CADPS: variants seen among roughly 807,000 people sequenced by gnomAD.
CADPS encodes the protein calcium dependent secretion activator, also known as calcium-dependent secretion activator 1.
CADPS carries 57 observed loss-of-function variants against 167.3 expected under a neutral mutation model. The ratio of observed to expected loss-of-function variants is 0.34; its 90% CI spans 0.28 to 0.42. CADPS has a LOEUF of 0.42. Among genes scored for constraint, CADPS ranks in the 20% least tolerant of loss-of-function variants. The probability of loss-of-function intolerance (pLI) is 1.00; values close to 1 mark genes in which losing one functional copy is unlikely to be tolerated. For missense variants in CADPS, 1,414 were observed against 1,738.1 expected, an observed-to-expected ratio of 0.81 and a Z score of 3.32; for synonymous variants, 676 against 635.3, an observed-to-expected ratio of 1.06 and a Z score of -0.96.
intron 1 of CADPS, among the ~76,000 whole-genome samples, chr3:62,812,283 T>C (rs1206734626): frequency 6.6e-6 from 1 of 152,148 alleles, no homozygotes; most frequent in Non-Finnish European, 1.5e-5. Context: ...TTTTACTATA[T>C]AATCAAGAAA....
chr3:62,571,597 T>C (rs889108868), intron 8 of CADPS, among the ~76,000 whole-genome samples: 3 of 151,530 alleles, frequency 2.0e-5, no homozygotes, highest in Non-Finnish European at 4.4e-5. Flanking sequence ...AGAGTTTCAC[T>C]CTTGTTGCCC....
At chr3:62,768,174 CTGAAA>C (rs2152519673) in intron 1 of CADPS, among the ~76,000 whole-genome samples, 1 of 152,260 alleles carries the variant, frequency 6.6e-6, no homozygotes, top group East Asian at 1.9e-4. Context: ...ACCATTTGAA[CTGAAA>C]TATTAGGTAG....
intron 26 of CADPS, among the ~76,000 whole-genome samples, chr3:62,460,847 C>T (rs758036648): frequency 2.6e-5 from 4 of 152,056 alleles, no homozygotes; most frequent in Non-Finnish European, 5.9e-5. Context: ...GGTTTCAGGC[C>T]CTTGACAGCC....
chr3:62,819,403 T>TGTGG (rs1553721491), intron 1 of CADPS, among the ~76,000 whole-genome samples: 1 of 126,738 alleles, frequency 7.9e-6, no homozygotes, highest in African/African-American at 2.9e-5. Flanking sequence ...TGACAATCTG[T>TGTGG]GTGCGTGTGT....
intron 9 of CADPS, among the ~76,000 whole-genome samples, chr3:62,569,009 G>T (rs777581698): frequency 4.6e-5 from 7 of 152,190 alleles, no homozygotes; most frequent in Non-Finnish European, 8.8e-5. Flanking sequence ...TCCACACAAA[G>T]TAGGTGCTCA....
Position 62,549,898 on chromosome 3 carries a change from C to T in CADPS, c.1966+5G>A. The T allele has an allele frequency of 6.2e-7, 1 of 1,610,294 alleles. No homozygotes were observed. The highest frequency in any genetic ancestry group is 8.5e-7 in the Non-Finnish European group (1 of 1,176,714). On this transcript the variant is annotated splice_donor_5th_base_variant and intron_variant, in intron 11 of 29. Coordinates refer to ENST00000383710, the MANE Select transcript of CADPS (RefSeq NM_003716.4). ...CTATTTTTGTAAAACGGCATATTTA[C>T]TTACAAAATTGAGAGATAGGGGCAT...
At chr3:62,659,491 A>G (rs2072614268) in intron 4 of CADPS, among the ~76,000 whole-genome samples, 3 of 152,166 alleles carry the variant, frequency 2.0e-5, no homozygotes, top group African/African-American at 7.2e-5. Context: ...GGGGACTTAA[A>G]CGGATGTCCT....
intron 13 of CADPS, among the ~76,000 whole-genome samples, chr3:62,531,266 C>T (rs2073615118): frequency 1.3e-5 from 2 of 152,058 alleles, no homozygotes; most frequent in African/African-American, 2.4e-5. Flanking sequence ...GTCCAAGAGG[C>T]TGTAACAGAT....
chr3:62,755,179 C>G (rs1248170205), intron 2 of CADPS, among the ~76,000 whole-genome samples: 1 of 152,138 alleles, frequency 6.6e-6, no homozygotes, highest in Non-Finnish European at 1.5e-5. Flanking sequence ...TTACTTCACC[C>G]GGGTTCCTTC....
At chr3:62,634,464 C>T (rs555587764) in intron 6 of CADPS, among the ~76,000 whole-genome samples, 36 of 152,266 alleles carry the variant, frequency 2.4e-4, no homozygotes, top group African/African-American at 7.7e-4. Context: ...TTTACTCCAT[C>T]GTGCATTTGG....
chr3:62,707,402 T>C (rs745371478), intron 3 of CADPS, among the ~76,000 whole-genome samples: 1 of 152,110 alleles, frequency 6.6e-6, no homozygotes, highest in African/African-American at 2.4e-5. Flanking sequence ...AGCACTGTTT[T>C]AGGGGGACAA....
At chr3:62,533,268 T>A (rs895685792) in intron 12 of CADPS, among the ~76,000 whole-genome samples, 4 of 152,110 alleles carry the variant, frequency 2.6e-5, no homozygotes, top group African/African-American at 9.7e-5. Context: ...ATCCCTGTTA[T>A]AAAGATGGAA....
intron 1 of CADPS, among the ~76,000 whole-genome samples, chr3:62,787,426 TTTA>T (rs1426354985): frequency 2.0e-5 from 3 of 152,210 alleles, no homozygotes; most frequent in Non-Finnish European, 2.9e-5. Flanking sequence ...ATTATTTTAC[TTTA>T]TTTTCATGAG....
chr3:62,428,880 C>A (rs2053346120), intron 28 of CADPS, among the ~76,000 whole-genome samples: 1 of 152,158 alleles, frequency 6.6e-6, no homozygotes, highest in South Asian at 2.1e-4. Context: ...GAGTAGAAAC[C>A]AGGGATGCTG....
chr3:62,536,644 A>T (rs922802252), intron 11 of CADPS, 63 bp from the exon 12 acceptor site: 2 of 1,522,536 alleles, frequency 1.3e-6, no homozygotes, highest in Non-Finnish European at 1.8e-6. Context: ...TTTCTTTGAC[A>T]TTTCAAATAC....
intron 1 of CADPS, among the ~76,000 whole-genome samples, chr3:62,817,814 A>T (rs1445288057): frequency 6.6e-6 from 1 of 152,198 alleles, no homozygotes; most frequent in East Asian, 1.9e-4. Flanking sequence ...CACAAGGTTC[A>T]AGTAGTTTCC....
At chr3:62,696,309 T>C (rs985944640) in intron 3 of CADPS, among the ~76,000 whole-genome samples, 1 of 152,150 alleles carries the variant, frequency 6.6e-6, no homozygotes, top group African/African-American at 2.4e-5. Context: ...TTTCTTCTTT[T>C]ACATTCCTGC....
At chr3:62,685,406 C>T (rs1357783765) in intron 3 of CADPS, among the ~76,000 whole-genome samples, 2 of 151,600 alleles carry the variant, frequency 1.3e-5, no homozygotes, top group Non-Finnish European at 1.5e-5. Flanking sequence ...TATAAACGTG[C>T]CATATAAATA....
intron 1 of CADPS, among the ~76,000 whole-genome samples, chr3:62,808,642 A>C (rs1411140688): frequency 6.6e-6 from 1 of 151,878 alleles, no homozygotes; most frequent in Non-Finnish European, 1.5e-5. Flanking sequence ...TTTGATGTCA[A>C]ATGTTGGGGA....
Sources: gnomAD v4.1 joint callset for allele counts (sites outside exome capture counted in the v4.1 genomes callset) on GRCh38, gnomAD v4.1.1 for gene constraint, MANE v1.5 for transcripts, NCBI Gene and HGNC (gene_info 2026-07-23, HGNC 2026-07-21) for gene names.